DIP2B: variants seen among roughly 807,000 people sequenced by gnomAD.
DIP2B encodes disco-interacting protein 2 homolog B.
A neutral mutation model predicts 198.0 loss-of-function variants in DIP2B; 76 were observed. That is an observed-to-expected ratio of 0.38 (90% CI 0.32 to 0.46). The LOEUF is 0.46. DIP2B is among the 20% of genes least tolerant of loss of function. The pLI is 0.99. For synonymous variants in DIP2B, 701 were observed against 739.1 expected (o/e 0.95, Z 0.84); for missense variants, 1,559 against 1,978.4 (o/e 0.79, Z 4.02).
chr12:50,623,434 C>T (rs1937861139), intron 1 of DIP2B, among the ~76,000 whole-genome samples: 1 of 44,172 alleles, frequency 2.3e-5, no homozygotes, highest in Non-Finnish European at 4.4e-5. Flanking sequence ...CACACACACA[C>T]ACACTCTCTC....
chr12:50,718,682 T>C, intron 23 of DIP2B, 27 bp from the exon 24 acceptor site: 1 of 1,588,672 alleles, frequency 6.3e-7, no homozygotes, highest in Non-Finnish European at 8.6e-7. Context: ...CCATCTCCAG[T>C]GAGTTGGGTT....
In DIP2B at chr12:50,748,440, A is replaced by T. The variant is rs984393088; in HGVS notation, c.*3601A>T. 1.3e-5 allele frequency: 2 copies of T among 152,636 alleles called. No individual in the cohort carries two copies. Among genetic ancestry groups the T allele is most frequent in the Non-Finnish European group, 2.9e-5 (2 of 68,048 alleles). The allele number at this position is 152,636 out of a possible 1,614,324, so 9.5% of individuals were successfully genotyped here. ...GGAAGAGACTAAAGATATAAGAATA[A>T]TTTTTTAGTCCTAAATGCTGTTTTG... On this transcript the variant is annotated 3_prime_UTR_variant, in exon 38 of 38. Coordinates refer to ENST00000301180, the MANE Select transcript of DIP2B (RefSeq NM_173602.3).
intron 1 of DIP2B, among the ~76,000 whole-genome samples, chr12:50,572,794 C>T (rs1478930878): frequency 1.3e-5 from 2 of 152,190 alleles, no homozygotes; most frequent in East Asian, 1.9e-4. Context: ...ATTTTGGTGT[C>T]TCAGTGCCTC....
At chr12:50,654,890 C>T (rs1231984523) in intron 3 of DIP2B, 4 of 292,456 alleles carry the variant, frequency 1.4e-5, no homozygotes, top group East Asian at 7.8e-5. Flanking sequence ...GAAGGTTAGG[C>T]GGTGGGGAAG....
intron 2 of DIP2B, among the ~76,000 whole-genome samples, chr12:50,634,997 T>C (rs1222313146): frequency 6.6e-6 from 1 of 152,226 alleles, no homozygotes; most frequent in Non-Finnish European, 1.5e-5. Flanking sequence ...TCTTTTAATA[T>C]AGACCTACTA....
intron 1 of DIP2B, among the ~76,000 whole-genome samples, chr12:50,516,249 CTCTA>C (rs1171892765): frequency 1.3e-5 from 2 of 151,026 alleles, no homozygotes; most frequent in Admixed American, 6.6e-5. Flanking sequence ...CTCTCTCTAT[CTCTA>C]TCTCTATCTC....
At chr12:50,551,839 G>C (rs1958429838) in intron 1 of DIP2B, among the ~76,000 whole-genome samples, 1 of 152,154 alleles carries the variant, frequency 6.6e-6, no homozygotes, top group Admixed American at 6.5e-5. Context: ...AGTTGCTTCA[G>C]CCACATGATG....
intron 1 of DIP2B, among the ~76,000 whole-genome samples, chr12:50,557,337 T>G (rs1958480414): frequency 6.6e-6 from 1 of 152,178 alleles, no homozygotes; most frequent in Non-Finnish European, 1.5e-5. Context: ...TGTGGTCTGG[T>G]TGCTGCTTTC....
Position 50,671,306 on chromosome 12 carries a change from C to A in DIP2B, c.548C>A (p.Ser183Tyr). ...SWINRSIQGS[S>Y]TSSSASSTLS... ...ATCAACCGTTCAATTCAGGGATCGT[C>A]CACTTCTTCATCCGCATCTTCTACG... Residue 183 changes from serine (S) to tyrosine (Y), a missense_variant, in exon 5 of 38, where the codon TCC becomes TAC. Physicochemically the swap from Ser to Tyr is moderately radical, Grantham distance 144 (BLOSUM62 -2). Coordinates refer to ENST00000301180, the MANE Select transcript of DIP2B (RefSeq NM_173602.3). 6.2e-7 allele frequency: 1 copy of A among 1,614,154 alleles called. No homozygotes were observed. The highest frequency in any genetic ancestry group is 8.5e-7 in the Non-Finnish European group (1 of 1,180,020).
At chr12:50,538,715 G>C (rs1006328869) in intron 1 of DIP2B, among the ~76,000 whole-genome samples, 1 of 151,938 alleles carries the variant, frequency 6.6e-6, no homozygotes, top group African/African-American at 2.4e-5. Flanking sequence ...TCTTCACTCT[G>C]TATGTACAAA....
intron 1 of DIP2B, among the ~76,000 whole-genome samples, chr12:50,591,639 T>A (rs1464346223): frequency 5.9e-5 from 9 of 151,532 alleles, no homozygotes; most frequent in Admixed American, 6.6e-5. Flanking sequence ...TTTTTTTTTT[T>A]AATAGAAACA....
intron 1 of DIP2B, among the ~76,000 whole-genome samples, chr12:50,524,349 A>T (rs1318483294): frequency 6.6e-6 from 1 of 152,142 alleles, no homozygotes; most frequent in African/African-American, 2.4e-5. Context: ...TCCCCGCTTT[A>T]TAGCTCTTCC....
chr12:50,663,428 C>T (rs908016339), intron 4 of DIP2B, among the ~76,000 whole-genome samples: 11 of 151,532 alleles, frequency 7.3e-5, no homozygotes, highest in Middle Eastern at 3.4e-3. Flanking sequence ...GTGGTGGCAG[C>T]GCCTGTAGTC....
intron 25 of DIP2B, among the ~76,000 whole-genome samples, chr12:50,720,948 G>A (rs1461432223): frequency 6.6e-6 from 1 of 152,084 alleles, no homozygotes; most frequent in East Asian, 1.9e-4. Flanking sequence ...CTACAGGCAT[G>A]TGCCACCACC....
rs574938327 is a variant in DIP2B at position 50,505,001 on chromosome 12, TGGC to T, written c.-119_-117del. 2,416 of 633,130 alleles carry T rather than the reference TGGC, an allele frequency of 3.8e-3. 25 individuals are homozygous for T. Among genetic ancestry groups the T allele is most frequent in the Admixed American group, 5.1e-3 (187 of 36,670 alleles). The allele number at this position is 633,130 out of a possible 1,614,324, so 39.2% of individuals were successfully genotyped here. A position where few individuals can be genotyped will look rare whatever the true frequency, so the allele number is the denominator to read the frequency against. On this transcript the variant is annotated 5_prime_UTR_variant, in exon 1 of 38. Coordinates refer to ENST00000301180, the MANE Select transcript of DIP2B (RefSeq NM_173602.3). Reference sequence around the variant, plus strand: ...GTCGCGCTCACGTGACCTTTGCTCATGGCGGCGGCGGCGGCGGCGGCGGTGCTG... The same window carrying T: ...GTCGCGCTCACGTGACCTTTGCTCATGGCGGCGGCGGCGGCGGCGGTGCTG...
At chr12:50,617,667 G>A (rs865785283) in intron 1 of DIP2B, among the ~76,000 whole-genome samples, 2 of 152,054 alleles carry the variant, frequency 1.3e-5, no homozygotes, top group Non-Finnish European at 1.5e-5. Flanking sequence ...AAATTACCCG[G>A]CAGTGGTGGC....
In DIP2B at chr12:50,674,569, G is replaced by T. The variant is rs761724077; in HGVS notation, c.736G>T (p.Gly246Trp). The change falls in exon 6 of 38, where the codon GGG (glycine) becomes TGG (tryptophan). Residue 246 changes from glycine to tryptophan, a missense_variant. Gly to Trp is a radical substitution (Grantham distance 184). Coordinates refer to ENST00000301180, the MANE Select transcript of DIP2B (RefSeq NM_173602.3). ...RPANIDLPPS[G>W]IVKGMHKGSN... ...AGCAAACATTGACCTGCCCCCCTCG[G>T]GGATAGTTAAAGGCATGCACAAAGG... 1 of 1,614,144 alleles carries T rather than the reference G, an allele frequency of 6.2e-7. No individual in the cohort carries two copies. Among genetic ancestry groups the T allele is most frequent in the Non-Finnish European group, 8.5e-7 (1 of 1,180,030 alleles).
At chr12:50,524,684 C>T (rs772774102) in intron 1 of DIP2B, among the ~76,000 whole-genome samples, 1 of 152,216 alleles carries the variant, frequency 6.6e-6, no homozygotes, top group Non-Finnish European at 1.5e-5. Flanking sequence ...CCTTAGGGGG[C>T]TTACATCTGT....
chr12:50,687,945 G>A (rs1024445403), intron 12 of DIP2B, among the ~76,000 whole-genome samples: 2 of 151,352 alleles, frequency 1.3e-5, no homozygotes, highest in Non-Finnish European at 2.9e-5. Flanking sequence ...GGGACACATT[G>A]GTTCACGCCT....
Sources: allele counts gnomAD v4.1 joint callset (sites outside exome capture counted in the v4.1 genomes callset), GRCh38; gene constraint gnomAD v4.1.1; transcripts MANE v1.5; gene names NCBI Gene and HGNC (gene_info 2026-07-23, HGNC 2026-07-21).